The following COL19A1 variants were observed in gnomAD, a reference collection of about 807,000 sequenced individuals.
COL19A1 encodes the protein collagen alpha-1(XIX) chain.
A neutral mutation model predicts 190.2 loss-of-function variants in COL19A1; 159 were observed. The ratio of observed to expected loss-of-function variants is 0.84; its 90% CI spans 0.73 to 0.95. COL19A1 has a LOEUF of 0.95. Among genes scored for constraint, COL19A1 ranks in the 40% least tolerant of loss-of-function variants. The pLI is 0.00. For missense variants in COL19A1, 1,418 were observed against 1,431.9 expected, an observed-to-expected ratio of 0.99 and a Z score of 0.16; for synonymous variants, 509 against 458.9, an observed-to-expected ratio of 1.11 and a Z score of -1.39.
Position 69,912,602 on chromosome 6 carries a change from A to G in COL19A1, c.266+12264A>G, listed in dbSNP as rs368835360. Among the ~76,000 whole-genome samples, 11 of 152,312 alleles carry G rather than the reference A, an allele frequency of 7.2e-5. No individual in the cohort carries two copies. The East Asian group carries it at 1.2e-3, about 16-fold the overall frequency. On this transcript the variant is annotated intron_variant, in intron 4 of 50. Transcript: ENST00000620364. ...TGCTCATTCTTGGCCCACAGGTGCC[A>G]GAATTACCCTGTGGCTTATGACTGT...
chr6:69,933,247 CAT>C (rs750482229), intron 7 of COL19A1, among the ~76,000 whole-genome samples: 3 of 152,064 alleles, frequency 2.0e-5, no homozygotes, highest in Non-Finnish European at 4.4e-5. Context: ...TTTCCTTTGA[CAT>C]AGACTTTTCA....
At chr6:69,996,878 C>T (rs1278466841) in intron 11 of COL19A1, among the ~76,000 whole-genome samples, 4 of 149,550 alleles carry the variant, frequency 2.7e-5, no homozygotes, top group African/African-American at 1.0e-4. Flanking sequence ...TATTCTTCTA[C>T]CTTGTTAGAC....
At chr6:70,103,320 A>G (rs561539496) in intron 16 of COL19A1, among the ~76,000 whole-genome samples, 13 of 152,226 alleles carry the variant, frequency 8.5e-5, no homozygotes, top group African/African-American at 3.1e-4. Flanking sequence ...ATTTGAACCT[A>G]TATTTTTGAA....
chr6:69,921,450 A>ATAT (rs368825990), intron 4 of COL19A1, among the ~76,000 whole-genome samples: 2,432 of 25,184 alleles, frequency 0.097, 272 homozygotes, highest in African/African-American at 0.24. Flanking sequence ...TATATCATAT[A>ATAT]TCATATATAT....
intron 16 of COL19A1, among the ~76,000 whole-genome samples, chr6:70,109,484 G>T (rs1784158518): frequency 6.6e-6 from 1 of 151,766 alleles, no homozygotes; most frequent in Non-Finnish European, 1.5e-5. Context: ...AAGGGTTGGG[G>T]GGCAAGTGGA....
intron 11 of COL19A1, among the ~76,000 whole-genome samples, chr6:70,022,986 G>T (rs780533950): frequency 6.6e-6 from 1 of 152,000 alleles, no homozygotes; most frequent in Non-Finnish European, 1.5e-5. Flanking sequence ...ATTTTTAGAA[G>T]TGAAATCACT....
At chr6:70,190,608 A>G (rs1041893925) in intron 48 of COL19A1, among the ~76,000 whole-genome samples, 1 of 152,206 alleles carries the variant, frequency 6.6e-6, no homozygotes, top group African/African-American at 2.4e-5. Context: ...GTAAAACAAC[A>G]CAGGTAAAGT....
chr6:70,132,616 C>T (rs1785591455), intron 18 of COL19A1, among the ~76,000 whole-genome samples: 1 of 152,186 alleles, frequency 6.6e-6, no homozygotes, highest in Admixed American at 6.5e-5. Context: ...AACCCCAGTG[C>T]TTCTGAATCC....
rs1781913918 is a variant in COL19A1, at chr6:70,076,859, C to G, written c.1224+8383C>G. On this transcript the variant is annotated intron_variant, in intron 15 of 50. Coordinates refer to ENST00000620364, the MANE Select transcript of COL19A1 (RefSeq NM_001858.6). ...TGGCGATATGCTAATACACCTGCAT[C>G]AGGATCTTTATTCAGAACATTACAC... 2.0e-5 allele frequency among the ~76,000 whole-genome samples: 3 copies of G among 152,186 alleles called. No individual in the cohort carries two copies. The South Asian group carries it at 6.2e-4, about 32-fold the overall frequency.
At chr6:70,185,004 C>A in intron 46 of COL19A1, 89 bp downstream of exon 46, 1 of 1,202,142 alleles carries the variant, frequency 8.3e-7, no homozygotes, top group South Asian at 1.6e-5. Flanking sequence ...GTGTAGACCC[C>A]TGCAAATCAC....
intron 9 of COL19A1, among the ~76,000 whole-genome samples, chr6:69,948,028 T>C (rs1240370387): frequency 6.6e-6 from 1 of 151,888 alleles, no homozygotes; most frequent in Non-Finnish European, 1.5e-5. Flanking sequence ...GTTCTAATTC[T>C]TTAAAAATAT....
chr6:70,115,834 T>TTG (rs1554209418), intron 16 of COL19A1, among the ~76,000 whole-genome samples: 23 of 147,964 alleles, frequency 1.6e-4, no homozygotes, highest in Admixed American at 1.0e-3. Flanking sequence ...TGTTTTTTTT[T>TTG]TTTTTTTTGG....
chr6:70,016,473 A>G (rs1279709767), intron 11 of COL19A1, among the ~76,000 whole-genome samples: 3 of 144,098 alleles, frequency 2.1e-5, no homozygotes, highest in Non-Finnish European at 4.5e-5. Flanking sequence ...GGCTGTTTGC[A>G]TGTGTCAAAA....
chr6:70,041,878 C>T (rs1779652111), intron 14 of COL19A1, among the ~76,000 whole-genome samples: 1 of 151,776 alleles, frequency 6.6e-6, no homozygotes, highest in South Asian at 2.1e-4. Flanking sequence ...ATGGCAAAAC[C>T]TCATCTCTAC....
chr6:70,106,955 A>C (rs1269812048), intron 16 of COL19A1, among the ~76,000 whole-genome samples: 3 of 152,232 alleles, frequency 2.0e-5, no homozygotes, highest in African/African-American at 4.8e-5. Context: ...AGAGGGATGA[A>C]GCAGACCAGG....
At chr6:69,907,285 A>C (rs1170612423) in intron 4 of COL19A1, among the ~76,000 whole-genome samples, 3 of 151,116 alleles carry the variant, frequency 2.0e-5, no homozygotes, top group Admixed American at 6.6e-5. Context: ...GCGTGCCACC[A>C]CTCCTGGCTA....
At chr6:70,186,517 C>A (rs1222176844) in intron 46 of COL19A1, among the ~76,000 whole-genome samples, 1 of 152,078 alleles carries the variant, frequency 6.6e-6, no homozygotes, top group Non-Finnish European at 1.5e-5. Flanking sequence ...TGTAACTGTT[C>A]ATTTATTTCT....
intron 37 of COL19A1, among the ~76,000 whole-genome samples, chr6:70,167,647 TA>T (rs1765244273): frequency 6.6e-6 from 1 of 152,196 alleles, no homozygotes; most frequent in African/African-American, 2.4e-5. Context: ...ACTATGGCAT[TA>T]TAGCCTGCAG....
intron 15 of COL19A1, among the ~76,000 whole-genome samples, chr6:70,097,174 T>C (rs1361637763): frequency 6.6e-6 from 1 of 152,106 alleles, no homozygotes; most frequent in East Asian, 1.9e-4. Flanking sequence ...TTAAGATAAA[T>C]GTTCTCTCAC....
Sources: allele counts gnomAD v4.1 joint callset (sites outside exome capture counted in the v4.1 genomes callset), GRCh38; gene constraint gnomAD v4.1.1; transcripts MANE v1.5; gene names NCBI Gene and HGNC (gene_info 2026-07-23, HGNC 2026-07-21).